The following CLYBL variants were observed in gnomAD, a reference collection of about 807,000 sequenced individuals.
The protein encoded by CLYBL is citramalyl-CoA lyase.
CLYBL carries 31 observed loss-of-function variants against 38.9 expected under a neutral mutation model. The ratio of observed to expected loss-of-function variants is 0.80; its 90% confidence interval spans 0.60 to 1.08. The LOEUF (loss-of-function observed/expected upper bound fraction) is 1.08, where lower values mean the gene tolerates loss of function less well. Among genes scored for constraint, CLYBL ranks in the 50% least tolerant of loss-of-function variants. The pLI, the probability that CLYBL is intolerant of heterozygous loss-of-function variation, is 0.00. For missense variants in CLYBL, 434 were observed against 411.6 expected, an observed-to-expected ratio of 1.05 and a Z score of -0.47; for synonymous variants, 171 against 158.6, an observed-to-expected ratio of 1.08 and a Z score of -0.59.
chr13:99,881,106 G>T (rs2052195863), intron 7 of CLYBL, among the ~76,000 whole-genome samples: 2 of 152,102 alleles, frequency 1.3e-5, no homozygotes, highest in South Asian at 2.1e-4. Context: ...ACATTCTTAT[G>T]AATTATTTAA....
intron 2 of CLYBL, among the ~76,000 whole-genome samples, chr13:99,806,091 G>T (rs1185613465): frequency 1.3e-5 from 2 of 152,042 alleles, no homozygotes; most frequent in African/African-American, 4.8e-5. Context: ...AGAGTTTCAT[G>T]TACATAACTT....
chr13:99,644,193 A>C (rs962882178), intron 1 of CLYBL, among the ~76,000 whole-genome samples: 4 of 85,732 alleles, frequency 4.7e-5, no homozygotes, highest in Admixed American at 1.1e-4. Context: ...GTATGTATGT[A>C]TATGTGGTGT....
intron 2 of CLYBL, among the ~76,000 whole-genome samples, chr13:99,834,685 C>T (rs566585664): frequency 1.3e-5 from 2 of 152,328 alleles, no homozygotes; most frequent in South Asian, 4.1e-4. Flanking sequence ...GGCCCACTCT[C>T]TGCCACACAG....
intron 1 of CLYBL, among the ~76,000 whole-genome samples, chr13:99,649,272 C>T (rs2047217999): frequency 6.6e-6 from 1 of 152,170 alleles, no homozygotes; most frequent in Non-Finnish European, 1.5e-5. Context: ...CTATTAATAG[C>T]AACCCTTTGT....
chr13:99,908,671 A>G (rs1252163949), exon 10 of CLYBL, among the ~76,000 whole-genome samples: 1 of 152,230 alleles, frequency 6.6e-6, no homozygotes, highest in Non-Finnish European at 1.5e-5. Context: ...AAAGTAATCT[A>G]GTAGTACTGT....
At chr13:99,841,260 T>A (rs2051068669) in intron 2 of CLYBL, among the ~76,000 whole-genome samples, 1 of 152,172 alleles carries the variant, frequency 6.6e-6, no homozygotes, top group African/African-American at 2.4e-5. Context: ...AGATCTGATT[T>A]CATACAAAAT....
chr13:99,680,223 C>T (rs1416643250), intron 1 of CLYBL, among the ~76,000 whole-genome samples: 2 of 152,134 alleles, frequency 1.3e-5, no homozygotes, highest in Non-Finnish European at 2.9e-5. Flanking sequence ...GTATCTGACA[C>T]CCATTTTTAA....
chr13:99,770,933 G>A (rs2049377962), intron 1 of CLYBL, among the ~76,000 whole-genome samples: 1 of 149,688 alleles, frequency 6.7e-6, no homozygotes. Flanking sequence ...TGTTGGCCAG[G>A]ATAGTCTCCA....
intron 1 of CLYBL, among the ~76,000 whole-genome samples, chr13:99,609,515 C>G (rs2046593339): frequency 6.6e-6 from 1 of 152,028 alleles, no homozygotes; most frequent in Admixed American, 6.6e-5. Context: ...TCTTCCAACT[C>G]AAATCATTTT....
chr13:99,795,260 A>G (rs940907519), intron 2 of CLYBL, among the ~76,000 whole-genome samples: 8 of 152,188 alleles, frequency 5.3e-5, no homozygotes, highest in Non-Finnish European at 1.2e-4. Context: ...TTAACCTCCA[A>G]AAGTTAACAG....
chr13:99,747,582 T>C (rs771122143), intron 1 of CLYBL, among the ~76,000 whole-genome samples: 3 of 152,170 alleles, frequency 2.0e-5, no homozygotes, highest in Non-Finnish European at 4.4e-5. Context: ...TCTGTTTTCA[T>C]GGAAAAACTG....
At chr13:99,808,726 G>T (rs538993656) in intron 2 of CLYBL, among the ~76,000 whole-genome samples, 1 of 152,194 alleles carries the variant, frequency 6.6e-6, no homozygotes, top group Non-Finnish European at 1.5e-5. Context: ...CATTGGAGGT[G>T]GAGGACAAAG....
chr13:99,800,807 G>A (rs2050116451), intron 2 of CLYBL, among the ~76,000 whole-genome samples: 1 of 151,560 alleles, frequency 6.6e-6, no homozygotes, highest in Admixed American at 6.6e-5. Context: ...CCAGGAGGCA[G>A]AGGTTGCAGT....
chr13:99,700,353 G>A (rs865805182), intron 1 of CLYBL, among the ~76,000 whole-genome samples: 2 of 152,230 alleles, frequency 1.3e-5, no homozygotes, highest in African/African-American at 4.8e-5. Context: ...GCTGAGGCAG[G>A]AGAATCACTT....
chr13:99,889,565 A>T (rs2052436048), intron 7 of CLYBL, among the ~76,000 whole-genome samples: 1 of 152,172 alleles, frequency 6.6e-6, no homozygotes, highest in Non-Finnish European at 1.5e-5. Flanking sequence ...CTGGGAAGTG[A>T]CTTACAGTAC....
chr13:99,895,810 G>A (rs1473077932), downstream of CLYBL: 2 of 152,280 alleles, frequency 1.3e-5, no homozygotes, highest in Non-Finnish European at 2.9e-5. Context: ...CTCGAACCCC[G>A]TTTCCGCCAA....
At chr13:99,699,386 C>CTAAA (rs908052758) in intron 1 of CLYBL, among the ~76,000 whole-genome samples, 1 of 150,916 alleles carries the variant, frequency 6.6e-6, no homozygotes, top group Admixed American at 6.6e-5. Flanking sequence ...ACTCCGGTCT[C>CTAAA]TAAATAAATA....
intron 1 of CLYBL, among the ~76,000 whole-genome samples, chr13:99,764,461 A>G (rs1209693608): frequency 3.3e-5 from 5 of 151,972 alleles, no homozygotes; most frequent in East Asian, 3.9e-4. Flanking sequence ...TCATGGTTCA[A>G]TCTTGGTAGA....
chr13:99,878,518 AAAG>A (rs1431083637), intron 7 of CLYBL, among the ~76,000 whole-genome samples: 3 of 152,248 alleles, frequency 2.0e-5, no homozygotes, highest in Non-Finnish European at 4.4e-5. Context: ...AAAAATCTTT[AAAG>A]AAGATTTCTG....
Sources: allele counts gnomAD v4.1 joint callset (sites outside exome capture counted in the v4.1 genomes callset), GRCh38; gene constraint gnomAD v4.1.1; transcripts MANE v1.5; gene names NCBI Gene and HGNC (gene_info 2026-07-23, HGNC 2026-07-21).